The following ACTN2 variants were observed in gnomAD, a reference collection of about 807,000 sequenced individuals.
The protein encoded by ACTN2 is actinin alpha 2.
Under a neutral mutation model 113.8 loss-of-function variants are expected in ACTN2, and 39 were observed. The observed-to-expected ratio is 0.34, with a 90% CI of 0.27 to 0.45. The LOEUF (loss-of-function observed/expected upper bound fraction) is 0.45. Among genes scored for constraint, ACTN2 ranks in the 20% least tolerant of loss-of-function variants. The pLI is 1.00. For synonymous variants in ACTN2, 429 were observed against 444.1 expected, an observed-to-expected ratio of 0.97 and a Z score of 0.43; for missense variants, 992 against 1,177.9, an observed-to-expected ratio of 0.84 and a Z score of 2.31.
Position 236,757,546 on chromosome 1 carries a change from G to A in ACTN2, c.2215G>A (p.Glu739Lys). 1 of 1,614,208 alleles carries A rather than the reference G, an allele frequency of 6.2e-7. No homozygotes were observed. Among genetic ancestry groups the A allele is most frequent in the Non-Finnish European group, 8.5e-7 (1 of 1,180,052 alleles). Residue 739 changes from glutamate to lysine, a missense_variant, in exon 18 of 21, where the codon GAG (glutamate) becomes AAG (lysine). This residue lies in a region of ACTN2 where 736 missense variants were observed against 815.4 expected (regional missense o/e 0.90). Coordinates refer to ENST00000366578, the MANE Select transcript of ACTN2 (RefSeq NM_001103.4). ...CATCGCCAGAACCATCAATGAGGTG[G>A]AGACTCAGATCCTGACGAGAGATGC... ...TTIARTINEV[E>K]TQILTRDAKG...
intron 4 of ACTN2, among the ~76,000 whole-genome samples, chr1:236,722,916 T>C (rs551295553): frequency 5.3e-5 from 8 of 152,212 alleles, no homozygotes; most frequent in Non-Finnish European, 1.2e-4. Flanking sequence ...TGTTAACCTT[T>C]TGCTGAAAGC....
At chr1:236,705,122 C>T (rs890122208) in intron 1 of ACTN2, among the ~76,000 whole-genome samples, 1 of 152,120 alleles carries the variant, frequency 6.6e-6, no homozygotes, top group African/African-American at 2.4e-5. Context: ...CCTAGCATGA[C>T]AGCAAAAGAC....
At chr1:236,734,563 T>G (rs1182793593) in intron 7 of ACTN2, 1 of 1,394,562 alleles carries the variant, frequency 7.2e-7, no homozygotes, top group East Asian at 2.5e-5. Context: ...TCACCTTCTG[T>G]GTCTTAATTT....
chr1:236,722,023 A>G (rs1024337134), intron 4 of ACTN2, among the ~76,000 whole-genome samples: 10 of 152,184 alleles, frequency 6.6e-5, no homozygotes, highest in African/African-American at 2.4e-4. Flanking sequence ...TCTGCTCTTC[A>G]CAAGACTAAG....
chr1:236,727,214 GT>G (rs1302808560), intron 5 of ACTN2, among the ~76,000 whole-genome samples: 3 of 152,294 alleles, frequency 2.0e-5, no homozygotes, highest in African/African-American at 7.2e-5. Flanking sequence ...AGACAGAGGA[GT>G]ATCTGGGACC....
At chr1:236,702,511 A>G (rs1350194095) in intron 1 of ACTN2, among the ~76,000 whole-genome samples, 1 of 152,194 alleles carries the variant, frequency 6.6e-6, no homozygotes, top group South Asian at 2.1e-4. Flanking sequence ...CTACTAGCTC[A>G]CTTTATGCTA....
chr1:236,692,449 C>T (rs995729741), intron 1 of ACTN2, among the ~76,000 whole-genome samples: 1 of 152,106 alleles, frequency 6.6e-6, no homozygotes, highest in Non-Finnish European at 1.5e-5. Context: ...AAGGAGCCAC[C>T]GTGCTGAGGT....
chr1:236,733,738 T>C (rs1272446605), intron 7 of ACTN2, among the ~76,000 whole-genome samples: 1 of 152,150 alleles, frequency 6.6e-6, no homozygotes, highest in Admixed American at 6.5e-5. Context: ...TTGATGGTAA[T>C]GTCAGGTCCA....
At chr1:236,746,607 A>G (rs1189942804) in intron 12 of ACTN2, among the ~76,000 whole-genome samples, 2 of 151,934 alleles carry the variant, frequency 1.3e-5, no homozygotes, top group African/African-American at 4.8e-5. Context: ...TTGGGAGCCT[A>G]AGACAGGAGG....
At chr1:236,730,297 C>T (rs1658677807) in intron 6 of ACTN2, among the ~76,000 whole-genome samples, 1 of 149,050 alleles carries the variant, frequency 6.7e-6, no homozygotes, top group African/African-American at 2.5e-5. Context: ...ACTGAAATCG[C>T]TGTATACTCT....
At chr1:236,691,337 A>G (rs1666075831) in intron 1 of ACTN2, among the ~76,000 whole-genome samples, 2 of 152,040 alleles carry the variant, frequency 1.3e-5, no homozygotes, top group African/African-American at 4.8e-5. Context: ...AAATTGTTTA[A>G]TAATAAGTGC....
At chr1:236,750,182 T>C (rs1659354575) in intron 14 of ACTN2, among the ~76,000 whole-genome samples, 1 of 152,188 alleles carries the variant, frequency 6.6e-6, no homozygotes, top group African/African-American at 2.4e-5. Context: ...TGATGTATAA[T>C]AGAATAAAAA....
intron 3 of ACTN2, among the ~76,000 whole-genome samples, chr1:236,719,696 G>T (rs890041871): frequency 3.3e-5 from 5 of 152,014 alleles, no homozygotes; most frequent in African/African-American, 1.2e-4. Flanking sequence ...CTACTCAGGA[G>T]GTTGAGGCAG....
In ACTN2 at chr1:236,739,396, G is replaced by C. The variant is rs1240148760; in HGVS notation, c.971G>C (p.Arg324Pro). 1.2e-6 allele frequency: 2 copies of C among 1,613,908 alleles called. No individual in the cohort carries two copies. Among genetic ancestry groups the C allele is most frequent in the Non-Finnish European group, 1.7e-6 (2 of 1,180,010 alleles). ...ATGCAGAAGAAGCTGGAGGACTTCC[G>C]GGATTACCGCCGGAAGCACAAGCCA... ...QAMQKKLEDF[R>P]DYRRKHKPPK... Residue 324 changes from arginine (R) to proline (P), a missense_variant, in exon 10 of 21, where the codon CGG (arginine) becomes CCG (proline). Physicochemically the swap from Arg to Pro is moderately radical, Grantham distance 103 (BLOSUM62 -2). Transcript: ENST00000366578.
chr1:236,744,899 A>G, intron 12 of ACTN2, 123 bp downstream of exon 12: 2 of 1,260,026 alleles, frequency 1.6e-6, no homozygotes, highest in Non-Finnish European at 2.2e-6. Flanking sequence ...CACTCTGTGC[A>G]GGGATTCTCC....
At chr1:236,755,259 G>A in intron 17 of ACTN2, 61 bp downstream of exon 17, 2 of 1,597,062 alleles carry the variant, frequency 1.3e-6, no homozygotes, top group South Asian at 2.2e-5. Flanking sequence ...CACCTCCTCA[G>A]GGTGCTTTCT....
intron 12 of ACTN2, among the ~76,000 whole-genome samples, chr1:236,746,706 C>CA (rs59603231): frequency 0.026 from 3,086 of 119,626 alleles, 82 homozygotes; most frequent in African/African-American, 0.081. Flanking sequence ...GACCCTGTCT[C>CA]AAAAAAAAAA....
chr1:236,733,769 G>A (rs1316031688), intron 7 of ACTN2, among the ~76,000 whole-genome samples: 1 of 152,252 alleles, frequency 6.6e-6, no homozygotes, highest in East Asian at 1.9e-4. Context: ...GATCATGAGT[G>A]CCTTTTGGTA....
At chr1:236,733,668 A>G (rs1374506416) in intron 7 of ACTN2, among the ~76,000 whole-genome samples, 3 of 152,246 alleles carry the variant, frequency 2.0e-5, no homozygotes, top group Admixed American at 1.3e-4. Flanking sequence ...TTAGCCACGC[A>G]TTCCCTGTAT....
Sources: gnomAD v4.1 joint callset for allele counts (sites outside exome capture counted in the v4.1 genomes callset) on GRCh38, gnomAD v4.1.1 for gene constraint, gnomAD v4.1.1 regional missense constraint, MANE v1.5 for transcripts, NCBI Gene and HGNC (gene_info 2026-07-23, HGNC 2026-07-21) for gene names.